RANBP2: variants seen among roughly 807,000 people sequenced by gnomAD.
RANBP2 encodes the protein RAN binding protein 2.
A neutral mutation model predicts 303.6 loss-of-function variants in RANBP2; 57 were observed. That is an observed-to-expected ratio of 0.19 (90% CI 0.15 to 0.23). The LOEUF is 0.23. Ranked by LOEUF, RANBP2 falls within the 10% of genes least tolerant of loss-of-function variation. RANBP2 has a pLI of 1.00. For synonymous variants in RANBP2, 1,167 were observed against 1,301.5 expected (o/e 0.90, Z 2.23); for missense variants, 3,138 against 3,780.8 (o/e 0.83, Z 4.46).
At chr2:108,912,601 CA>C in the RANBP2 span, 1 of 1,353,612 alleles carries the variant, frequency 7.4e-7, no homozygotes, top group Non-Finnish European at 1.0e-6. Context: ...CACTCATGAT[CA>C]TTTCCTCTCC....
the RANBP2 span, among the ~76,000 whole-genome samples, chr2:109,479,351 G>C: frequency 1.1e-4 from 17 of 152,108 alleles, no homozygotes; most frequent in Non-Finnish European, 2.2e-4. Flanking sequence ...ACAGTGTTGT[G>C]GCTGTATTTA....
At chr2:109,317,945 C>G in the RANBP2 span, among the ~76,000 whole-genome samples, 1 of 152,104 alleles carries the variant, frequency 6.6e-6, no homozygotes, top group South Asian at 2.1e-4. Context: ...TCGCACAACT[C>G]TGCCGCTTGT....
chr2:109,635,182 ATATT>A, the RANBP2 span, among the ~76,000 whole-genome samples: 1 of 151,264 alleles, frequency 6.6e-6, no homozygotes, highest in Non-Finnish European at 1.5e-5. Flanking sequence ...TGTTTTATTT[ATATT>A]TATTTATTTA....
chr2:109,069,666 GC>G, the RANBP2 span, among the ~76,000 whole-genome samples: 1 of 152,200 alleles, frequency 6.6e-6, no homozygotes, highest in Non-Finnish European at 1.5e-5. Flanking sequence ...GCTGAAAGAG[GC>G]TTTGAAAATG....
chr2:108,780,164 G>T (rs1050258533), intron 25 of RANBP2, among the ~76,000 whole-genome samples: 3 of 149,782 alleles, frequency 2.0e-5, no homozygotes, highest in Admixed American at 6.7e-5. Flanking sequence ...AGTATGAGTT[G>T]AATTTACTAG....
chr2:109,318,151 A>C, the RANBP2 span, among the ~76,000 whole-genome samples: 1 of 151,718 alleles, frequency 6.6e-6, no homozygotes, highest in East Asian at 1.9e-4. Flanking sequence ...GGACATTGAG[A>C]GACTAGAAAT....
the RANBP2 span, among the ~76,000 whole-genome samples, chr2:109,204,603 G>T: frequency 2.6e-5 from 4 of 152,188 alleles, no homozygotes; most frequent in Non-Finnish European, 4.4e-5. Context: ...TCCAGGTGCC[G>T]GCAGCGCCAC....
the RANBP2 span, among the ~76,000 whole-genome samples, chr2:109,560,602 A>G: frequency 2.0e-4 from 31 of 152,194 alleles, no homozygotes; most frequent in African/African-American, 7.2e-4. Context: ...TGACCTCCAG[A>G]AAGATACCCC....
At chr2:108,997,307 G>A in the RANBP2 span, among the ~76,000 whole-genome samples, 3 of 152,070 alleles carry the variant, frequency 2.0e-5, no homozygotes, top group South Asian at 2.1e-4. Flanking sequence ...CAGATGTGGC[G>A]GCGTGCGCCT....
the RANBP2 span, among the ~76,000 whole-genome samples, chr2:109,703,556 G>A: frequency 2.0e-5 from 3 of 152,180 alleles, no homozygotes; most frequent in Non-Finnish European, 4.4e-5. Flanking sequence ...ATCCTTCTGA[G>A]TAGCTGGGAT....
At chr2:108,789,648 G>T (rs1234249614), downstream of RANBP2, among the ~76,000 whole-genome samples, 1 of 152,144 alleles carries the variant, frequency 6.6e-6, no homozygotes, top group East Asian at 1.9e-4. Flanking sequence ...TTAGGCAGCA[G>T]CATTTTACTA....
At chr2:108,859,477 C>T in the RANBP2 span, among the ~76,000 whole-genome samples, 1 of 152,012 alleles carries the variant, frequency 6.6e-6, no homozygotes, top group South Asian at 2.1e-4. Context: ...TTTGCCTAGG[C>T]CAATGTCCAG....
At chr2:109,025,432 G>C in the RANBP2 span, among the ~76,000 whole-genome samples, 1 of 152,182 alleles carries the variant, frequency 6.6e-6, no homozygotes, top group South Asian at 2.1e-4. Flanking sequence ...TGGGTTAGCA[G>C]AGTAGTAAAG....
At chr2:108,890,410 A>C in the RANBP2 span, among the ~76,000 whole-genome samples, 2 of 151,774 alleles carry the variant, frequency 1.3e-5, no homozygotes, top group Non-Finnish European at 2.9e-5. Context: ...TGCCTGGCTA[A>C]TGTTTTGTGT....
chr2:109,613,898 G>C, the RANBP2 span: 1 of 1,229,232 alleles, frequency 8.1e-7, no homozygotes, highest in Non-Finnish European at 1.0e-6. Context: ...GGCGACGGCG[G>C]CGGGAAGGCC....
At chr2:109,412,465 TAAC>T in the RANBP2 span, among the ~76,000 whole-genome samples, 1 of 152,212 alleles carries the variant, frequency 6.6e-6, no homozygotes, top group Non-Finnish European at 1.5e-5. Flanking sequence ...GCAGGCATGG[TAAC>T]AACAGCAGGA....
chr2:108,757,224 G>A (rs1383278369), intron 17 of RANBP2, among the ~76,000 whole-genome samples: 1 of 152,130 alleles, frequency 6.6e-6, no homozygotes, highest in Non-Finnish European at 1.5e-5. Flanking sequence ...TGTCTGTTTT[G>A]TAAGGGGACA....
the RANBP2 span, among the ~76,000 whole-genome samples, chr2:109,568,512 C>T: frequency 6.6e-6 from 1 of 151,942 alleles, no homozygotes; most frequent in South Asian, 2.1e-4. Flanking sequence ...GCTGGGATTA[C>T]AGGCACCTCA....
the RANBP2 span, among the ~76,000 whole-genome samples, chr2:109,102,177 T>A: frequency 6.6e-6 from 1 of 152,118 alleles, no homozygotes; most frequent in African/African-American, 2.4e-5. Context: ...CTTGGCTCAC[T>A]GCAAGCTCCG....
Sources: gnomAD v4.1 joint callset for allele counts (sites outside exome capture counted in the v4.1 genomes callset) on GRCh38, gnomAD v4.1.1 for gene constraint, MANE v1.5 for transcripts, NCBI Gene and HGNC (gene_info 2026-07-23, HGNC 2026-07-21) for gene names.